The following ZNF503 variants were observed in gnomAD, a reference collection of about 807,000 sequenced individuals.
ZNF503 encodes the protein zinc finger protein 503, also known as NocA-like zinc finger 2.
A neutral mutation model predicts 34.4 loss-of-function variants in ZNF503; 15 were observed. That is an observed-to-expected ratio of 0.44 (90% CI 0.29 to 0.67). ZNF503 has a LOEUF of 0.67. Ranked by LOEUF, ZNF503 falls within the 30% of genes least tolerant of loss-of-function variation. ZNF503 has a pLI of 0.13. For missense variants in ZNF503, 1,007 were observed against 926.8 expected, an observed-to-expected ratio of 1.09 and a Z score of -1.12; for synonymous variants, 580 against 456.8, an observed-to-expected ratio of 1.27 and a Z score of -3.44.
chr10:75,365,649 G>A, the ZNF503 span, among the ~76,000 whole-genome samples: 1 of 152,172 alleles, frequency 6.6e-6, no homozygotes, highest in Non-Finnish European at 1.5e-5. Context: ...GCATAGCTGG[G>A]TGACCTTAAG....
At chr10:75,325,575 GA>G in the ZNF503 span, among the ~76,000 whole-genome samples, 1 of 152,050 alleles carries the variant, frequency 6.6e-6, no homozygotes, top group Non-Finnish European at 1.5e-5. Flanking sequence ...TCTACTTTTT[GA>G]AATTGTTTTG....
the ZNF503 span, among the ~76,000 whole-genome samples, chr10:75,374,188 T>C: frequency 6.6e-6 from 1 of 152,084 alleles, no homozygotes; most frequent in Non-Finnish European, 1.5e-5. Context: ...GGTGCACAAC[T>C]GTGGATGCAA....
the ZNF503 span, among the ~76,000 whole-genome samples, chr10:75,356,210 T>A: frequency 2.6e-5 from 4 of 152,306 alleles, no homozygotes; most frequent in Admixed American, 1.3e-4. Flanking sequence ...GAACCTTTTT[T>A]AAAATTTTAT....
At chr10:75,297,772 G>A in the ZNF503 span, among the ~76,000 whole-genome samples, 1 of 152,124 alleles carries the variant, frequency 6.6e-6, no homozygotes, top group African/African-American at 2.4e-5. Context: ...CAAAAGTACA[G>A]CTCAATGAAT....
the ZNF503 span, among the ~76,000 whole-genome samples, chr10:75,368,720 A>G: frequency 6.6e-6 from 1 of 152,226 alleles, no homozygotes; most frequent in Admixed American, 6.5e-5. Flanking sequence ...GAAATGGATG[A>G]CCTGGCAAAG....
chr10:75,313,435 A>T, the ZNF503 span, among the ~76,000 whole-genome samples: 3 of 152,188 alleles, frequency 2.0e-5, no homozygotes, highest in African/African-American at 7.2e-5. Context: ...AGTAGGGAAA[A>T]GTGAGAGTGT....
chr10:75,357,549 A>C, the ZNF503 span, among the ~76,000 whole-genome samples: 3,546 of 152,212 alleles, frequency 0.023, 135 homozygotes, highest in African/African-American at 0.081. Context: ...TCACAATAAT[A>C]ACCAATATAT....
At chr10:75,385,008 A>G in the ZNF503 span, among the ~76,000 whole-genome samples, 1 of 152,190 alleles carries the variant, frequency 6.6e-6, no homozygotes, top group Non-Finnish European at 1.5e-5. Context: ...CTCTGCTACC[A>G]GACCACCCTT....
chr10:75,312,546 T>C, the ZNF503 span, among the ~76,000 whole-genome samples: 1 of 151,104 alleles, frequency 6.6e-6, no homozygotes, highest in African/African-American at 2.4e-5. Context: ...AGAAAGAGAG[T>C]GGGCCTAAAA....
chr10:75,392,675 A>T, the ZNF503 span, among the ~76,000 whole-genome samples: 3 of 152,152 alleles, frequency 2.0e-5, no homozygotes, highest in Admixed American at 1.3e-4. Context: ...ATGAACCATG[A>T]TTACAGGCAC....
Position 75,399,885 on chromosome 10 carries a change from C to A in ZNF503, c.805G>T (p.Gly269Cys). ...GTGGGTCCCCCTTCGGCCGAGGCGC[C>A]CCCGGTGCCCTTGCCACCGCCGCCC... Reference protein sequence around the residue: ...DVGGGGKGTGGASAEGGPTGL... With the variant: ...DVGGGGKGTGCASAEGGPTGL... The change falls in exon 2 of 2, where the codon GGC becomes TGC. Residue 269 changes from glycine to cysteine, a missense_variant. Physicochemically the swap from Gly to Cys is radical, Grantham distance 159. Transcript: ENST00000372524. The A allele has an allele frequency of 6.2e-7, 1 of 1,601,326 alleles. No homozygotes were observed.
At chr10:75,344,128 A>G in the ZNF503 span, among the ~76,000 whole-genome samples, 2 of 152,250 alleles carry the variant, frequency 1.3e-5, no homozygotes. Flanking sequence ...AGCCAGCAGC[A>G]GTGCCTTGGG....
chr10:75,398,740 C>T lies in ZNF503; in HGVS notation c.*9G>A. 2 of 1,375,886 alleles carry T rather than the reference C, an allele frequency of 1.5e-6. No homozygotes were observed. The highest frequency in any genetic ancestry group is 3.8e-5 in the South Asian group (2 of 53,018). The allele number at this position is 1,375,886 out of a possible 1,614,324, so 85.2% of individuals were successfully genotyped here. A position where few individuals can be genotyped will look rare whatever the true frequency, so the allele number is the denominator to read the frequency against. On this transcript the variant is annotated 3_prime_UTR_variant, in exon 2 of 2. Coordinates refer to ENST00000372524, the MANE Select transcript of ZNF503 (RefSeq NM_032772.6). ...CCCTCCTCTCCCTCGCTCGCCCTCC[C>T]GGCCGCCCTCACTGATACCCCAGCG... is the stretch of plus-strand genomic sequence containing the variant.
At chr10:75,351,274 C>T in the ZNF503 span, among the ~76,000 whole-genome samples, 6 of 152,084 alleles carry the variant, frequency 3.9e-5, no homozygotes, top group Admixed American at 1.3e-4. Flanking sequence ...CAGGTTCAAG[C>T]GATTCTTGTG....
chr10:75,284,939 C>A, the ZNF503 span, among the ~76,000 whole-genome samples: 1 of 152,174 alleles, frequency 6.6e-6, no homozygotes, highest in African/African-American at 2.4e-5. Context: ...TATTTGAGTG[C>A]CTACCTAACA....
At chr10:75,301,867 C>A in the ZNF503 span, among the ~76,000 whole-genome samples, 1 of 151,930 alleles carries the variant, frequency 6.6e-6, no homozygotes, top group Admixed American at 6.6e-5. Flanking sequence ...TTTTTTATTG[C>A]AATCTTGCAT....
chr10:75,398,588 GCTGCT>G lies in ZNF503; in HGVS notation c.*156_*160del. 1 of 557,280 alleles carries G rather than the reference GCTGCT, an allele frequency of 1.8e-6. No homozygotes were observed. Among genetic ancestry groups the G allele is most frequent in the South Asian group, 9.7e-5 (1 of 10,362 alleles). The allele number at this position is 557,280 out of a possible 1,614,324, so 34.5% of individuals were successfully genotyped here. Reference sequence around the variant, plus strand: ...GGGAGTGTCCCACCGGGTCTCGGTCGCTGCTGTCGGGTAGATAGATACGGTATACA... The same window carrying G: ...GGGAGTGTCCCACCGGGTCTCGGTCGGTCGGGTAGATAGATACGGTATACA... On this transcript the variant is annotated 3_prime_UTR_variant, in exon 2 of 2. Transcript: ENST00000372524.
the ZNF503 span, among the ~76,000 whole-genome samples, chr10:75,348,747 C>T: frequency 7.4e-5 from 11 of 147,816 alleles, 1 homozygote; most frequent in East Asian, 1.9e-3. Context: ...CTCCTGACCT[C>T]GTGATCCGCC....
the ZNF503 span, among the ~76,000 whole-genome samples, chr10:75,291,084 G>A: frequency 1.3e-5 from 2 of 152,184 alleles, no homozygotes; most frequent in African/African-American, 2.4e-5. Context: ...GTGCCAGCCT[G>A]TGCCTGGGGG....
Sources: gnomAD v4.1 joint callset for allele counts (sites outside exome capture counted in the v4.1 genomes callset) on GRCh38, gnomAD v4.1.1 for gene constraint, MANE v1.5 for transcripts, NCBI Gene and HGNC (gene_info 2026-07-23, HGNC 2026-07-21) for gene names.